KIAA0586: variants seen among roughly 807,000 people sequenced by gnomAD.
KIAA0586 encodes KIAA0586, also known as protein TALPID3.
KIAA0586 carries 144 observed loss-of-function variants against 169.8 expected under a neutral mutation model. The ratio of observed to expected loss-of-function variants is 0.85; its 90% CI spans 0.74 to 0.97. KIAA0586 has a LOEUF of 0.97. KIAA0586 is among the 50% of genes least tolerant of loss of function. The probability of loss-of-function intolerance (pLI) is 0.00; values close to 1 mark genes in which losing one functional copy is unlikely to be tolerated. For missense variants in KIAA0586, 1,854 were observed against 1,823.0 expected (o/e 1.02, Z -0.31); for synonymous variants, 625 against 612.4 (o/e 1.02, Z -0.30).
chr14:58,531,226 C>G lies in KIAA0586; in HGVS notation c.4430-8845C>G, dbSNP rs185486348. Among the ~76,000 whole-genome samples, 551 of 150,998 alleles carry G rather than the reference C, an allele frequency of 3.6e-3. 4 individuals carry two copies. The highest frequency in any genetic ancestry group is 0.013 in the African/African-American group (526 of 41,168). On this transcript the variant is annotated intron_variant, in intron 29 of 30. Transcript: ENST00000652326. ...CCTGTAGTCCCAGCTACTTTGGAGG[C>G]TGAGGCAGGAGAATGGCCTGAACCC...
At chr14:58,482,062 T>C (rs1328290157) in intron 20 of KIAA0586, among the ~76,000 whole-genome samples, 3 of 150,370 alleles carry the variant, frequency 2.0e-5, no homozygotes, top group Non-Finnish European at 3.0e-5. Context: ...TCCACCAGCC[T>C]TGGCCTCCCA....
the KIAA0586 span, among the ~76,000 whole-genome samples, chr14:58,560,363 T>C: frequency 1.3e-5 from 2 of 152,216 alleles, no homozygotes; most frequent in Admixed American, 1.3e-4. Flanking sequence ...AATTGCCTCC[T>C]CTTTCACAGG....
chr14:58,547,331 T>G (rs1034717972), intron 30 of KIAA0586, among the ~76,000 whole-genome samples: 2 of 152,180 alleles, frequency 1.3e-5, no homozygotes, highest in Non-Finnish European at 2.9e-5. Context: ...AGCTCTGTTG[T>G]TGAGCTCTTC....
At chr14:58,532,987 AC>A (rs2046075503) in intron 29 of KIAA0586, among the ~76,000 whole-genome samples, 1 of 152,328 alleles carries the variant, frequency 6.6e-6, no homozygotes, top group Non-Finnish European at 1.5e-5. Context: ...ATGGTCAGGA[AC>A]CTTTTTTTGT....
chr14:58,437,153 A>T (rs2037897469), intron 4 of KIAA0586, among the ~76,000 whole-genome samples: 2 of 152,154 alleles, frequency 1.3e-5, no homozygotes, highest in African/African-American at 4.8e-5. Flanking sequence ...TGGTATGGTA[A>T]TGGGAATCAT....
intron 5 of KIAA0586, 49 bp downstream of exon 5, chr14:58,442,929 G>A (rs971392851): frequency 7.5e-7 from 1 of 1,336,176 alleles, no homozygotes; most frequent in Non-Finnish European, 1.0e-6. Context: ...AAATATAGAA[G>A]TACTTACTAA....
At chr14:58,499,874 A>C (rs966200205) in intron 27 of KIAA0586, among the ~76,000 whole-genome samples, 2 of 152,220 alleles carry the variant, frequency 1.3e-5, no homozygotes, top group African/African-American at 4.8e-5. Flanking sequence ...ATTTATTGTA[A>C]TATGTACTAG....
In KIAA0586 at chr14:58,453,378, G is replaced by T; in HGVS notation, c.1158G>T (p.Leu386Phe). Residue 386 changes from leucine to phenylalanine, a missense_variant, in exon 9 of 31, where the codon TTG (leucine) becomes TTT (phenylalanine). Leu to Phe is a conservative substitution (Grantham distance 22). Coordinates refer to ENST00000652326, the MANE Select transcript of KIAA0586 (RefSeq NM_001329943.3). ...RGNVRLLEQI[L>F]NNNDSLTRKS... The stretch of plus-strand genomic sequence containing the variant: ...ATGTAAGACTATTGGAACAAATTTT[G>T]AATAATAATGATTCTTTGACAAGAA... The T allele has an allele frequency of 1.4e-6, 2 of 1,399,354 alleles. No individual in the cohort carries two copies. The highest frequency in any genetic ancestry group is 2.8e-5 in the South Asian group (2 of 72,488). 86.7% of individuals were successfully genotyped at this position (1,399,354 alleles called of 1,614,324 possible).
chr14:58,525,938 C>T (rs1025795901), intron 29 of KIAA0586, among the ~76,000 whole-genome samples: 4 of 152,136 alleles, frequency 2.6e-5, no homozygotes, highest in East Asian at 3.9e-4. Flanking sequence ...TAAACAAAGC[C>T]GCCAGGAAGT....
At chr14:58,533,287 A>G (rs867335351) in intron 29 of KIAA0586, among the ~76,000 whole-genome samples, 1 of 152,250 alleles carries the variant, frequency 6.6e-6, no homozygotes, top group East Asian at 1.9e-4. Flanking sequence ...TGTTCATAGC[A>G]CTTTAGAGGA....
chr14:58,472,203 C>T lies in KIAA0586; in HGVS notation c.2558C>T (p.Pro853Leu). Residue 853 changes from proline to leucine, a missense_variant, in exon 18 of 31, where the codon CCA (proline) becomes CTA (leucine). Pro to Leu is a moderately conservative substitution (Grantham distance 98). Transcript: ENST00000652326. ...TTTCTGAAAATGCTTTCTTAGACTC[C>T]AGAAATTATGAAGGTAGATGAAGAA... ...LPPVQTWIKT[P>L]EIMKVDEEEV... 6.4e-7 allele frequency: 1 copy of T among 1,561,600 alleles called. No homozygotes were observed. Among genetic ancestry groups the T allele is most frequent in the Non-Finnish European group, 8.7e-7 (1 of 1,154,444 alleles).
chr14:58,481,173 AC>A (rs2042007609), intron 20 of KIAA0586, among the ~76,000 whole-genome samples: 1 of 152,230 alleles, frequency 6.6e-6, no homozygotes, highest in Admixed American at 6.5e-5. Flanking sequence ...CTAGACGTCT[AC>A]CCACTTTTTA....
In KIAA0586 at chr14:58,548,050, A is replaced by C. The variant is rs2047093371; in HGVS notation, c.*118A>C. The C allele has an allele frequency of 1.7e-6, 2 of 1,170,612 alleles. No individual in the cohort carries two copies. Among genetic ancestry groups the C allele is most frequent in the Non-Finnish European group, 2.3e-6 (2 of 851,334 alleles). 72.5% of individuals were successfully genotyped at this position (1,170,612 alleles called of 1,614,324 possible). A position where few individuals can be genotyped will look rare whatever the true frequency, so the allele number is the denominator to read the frequency against. ...GAGCATATTCTGAAAAAAAAATTCC[A>C]ATATTTTAAAATAAAACAAAAAGCA... On this transcript the variant is annotated 3_prime_UTR_variant, in exon 31 of 31. Coordinates refer to ENST00000652326, the MANE Select transcript of KIAA0586 (RefSeq NM_001329943.3).
intron 26 of KIAA0586, among the ~76,000 whole-genome samples, chr14:58,494,654 A>G (rs1005845009): frequency 6.6e-6 from 1 of 152,120 alleles, no homozygotes; most frequent in African/African-American, 2.4e-5. Flanking sequence ...TTACTCCACT[A>G]TATGGCTCTC....
chr14:58,547,728 C>A, intron 30 of KIAA0586, 53 bp from the exon 31 acceptor site: 9 of 1,402,456 alleles, frequency 6.4e-6, no homozygotes, highest in Non-Finnish European at 9.0e-6. Context: ...GCATAAAGCA[C>A]GTAAATACTC....
Position 58,482,525 on chromosome 14 carries a change from G to T in KIAA0586, c.2957G>T (p.Ser986Ile), listed in dbSNP as rs1409674963. 9 of 1,529,530 alleles carry T rather than the reference G, an allele frequency of 5.9e-6. No homozygotes were observed. The highest frequency in any genetic ancestry group is 7.9e-6 in the Non-Finnish European group (9 of 1,135,020). The allele number at this position is 1,529,530 out of a possible 1,614,324, so 94.7% of individuals were successfully genotyped here. ...TTTTTACTTTTAGTGGAAGGAACAA[G>T]CAGTGGCGCCCTCCAGCTTTTTGTT... ...PLTSDIVEGT[S>I]SGALQLFVDA... Residue 986 changes from serine (S) to isoleucine (I), a missense_variant, in exon 21 of 31, where the codon AGC becomes ATC. Coordinates refer to ENST00000652326, the MANE Select transcript of KIAA0586 (RefSeq NM_001329943.3).
At chr14:58,459,694 C>G (rs112719368) in intron 12 of KIAA0586, 149 bp from the exon 13 acceptor site, 21 of 414,092 alleles carry the variant, frequency 5.1e-5, no homozygotes, top group Non-Finnish European at 7.6e-5. Context: ...TTTATATATC[C>G]AATAAAGCCA....
intron 8 of KIAA0586, among the ~76,000 whole-genome samples, chr14:58,451,962 C>T (rs1006877749): frequency 2.0e-5 from 3 of 152,296 alleles, no homozygotes; most frequent in South Asian, 2.1e-4. Flanking sequence ...TGATTACAGG[C>T]GTGAGCTACT....
intron 4 of KIAA0586, chr14:58,439,659 A>G (rs1349291972): frequency 6.3e-6 from 1 of 158,720 alleles, no homozygotes; most frequent in African/African-American, 2.4e-5. Flanking sequence ...ATAATTGACA[A>G]CTCTTTATGA....
Sources: allele counts gnomAD v4.1 joint callset (sites outside exome capture counted in the v4.1 genomes callset), GRCh38; gene constraint gnomAD v4.1.1; transcripts MANE v1.5; gene names NCBI Gene and HGNC (gene_info 2026-07-23, HGNC 2026-07-21).